Variants in USP34 observed in about 807,000 individuals in gnomAD.
USP34 encodes the protein ubiquitin specific peptidase 34.
USP34 carries 70 observed loss-of-function variants against 460.3 expected under a neutral mutation model. The ratio of observed to expected loss-of-function variants is 0.15; its 90% CI spans 0.13 to 0.19. The LOEUF (loss-of-function observed/expected upper bound fraction) is 0.19. Ranked by LOEUF, USP34 falls within the 10% of genes least tolerant of loss-of-function variation. USP34 has a pLI of 1.00. For synonymous variants in USP34, 1,647 were observed against 1,405.3 expected, an observed-to-expected ratio of 1.17 and a Z score of -3.85; for missense variants, 3,985 against 4,236.2, an observed-to-expected ratio of 0.94 and a Z score of 1.65.
chr2:61,272,028 T>C (rs936032992), intron 41 of USP34, among the ~76,000 whole-genome samples: 6 of 152,232 alleles, frequency 3.9e-5, no homozygotes, highest in African/African-American at 1.4e-4. Context: ...ACTCTTGGTT[T>C]TACCGCCTAT....
intron 30 of USP34, 128 bp downstream of exon 30, chr2:61,296,672 C>T (rs1015064437): frequency 9.8e-6 from 9 of 920,696 alleles, no homozygotes; most frequent in East Asian, 8.4e-5. Context: ...GCACTTTTTA[C>T]CTACTATATG....
chr2:61,417,181 A>C, intron 2 of USP34: 10 of 1,576,458 alleles, frequency 6.3e-6, no homozygotes, highest in Middle Eastern at 4.5e-4. Flanking sequence ...GGCACCTCAC[A>C]TGCCTGTTTG....
intron 1 of USP34, among the ~76,000 whole-genome samples, chr2:61,454,030 A>T (rs1695359987): frequency 6.6e-6 from 1 of 152,172 alleles, no homozygotes; most frequent in South Asian, 2.1e-4. Flanking sequence ...ATATTCACAG[A>T]AGACAGCTAG....
intron 1 of USP34, among the ~76,000 whole-genome samples, chr2:61,453,541 C>A (rs890309228): frequency 3.3e-5 from 5 of 151,588 alleles, no homozygotes; most frequent in South Asian, 2.1e-4. Flanking sequence ...GAAACCCCAT[C>A]TCTACTAAAA....
intron 5 of USP34, among the ~76,000 whole-genome samples, chr2:61,390,148 C>G (rs1388643492): frequency 6.6e-6 from 1 of 152,186 alleles, no homozygotes; most frequent in Non-Finnish European, 1.5e-5. Context: ...TTGACTAAAG[C>G]ATATTTTGTG....
chr2:61,240,338 G>A (rs1258350035), intron 53 of USP34, among the ~76,000 whole-genome samples: 1 of 152,104 alleles, frequency 6.6e-6, no homozygotes, highest in Non-Finnish European at 1.5e-5. Context: ...TGCCCAGGAT[G>A]GAGTGCAGTG....
chr2:61,412,113 C>G (rs1465818345), intron 2 of USP34, among the ~76,000 whole-genome samples: 1 of 148,684 alleles, frequency 6.7e-6, no homozygotes, highest in Non-Finnish European at 1.5e-5. Context: ...CACTTGAACC[C>G]AGGAGGCAGA....
chr2:61,323,189 G>A (rs1690979086), intron 21 of USP34, among the ~76,000 whole-genome samples: 1 of 152,110 alleles, frequency 6.6e-6, no homozygotes, highest in South Asian at 2.1e-4. Context: ...AGACCAGGCT[G>A]GGCAACATAA....
intron 57 of USP34, among the ~76,000 whole-genome samples, chr2:61,234,802 G>C (rs1688015845): frequency 6.6e-6 from 1 of 152,004 alleles, no homozygotes; most frequent in South Asian, 2.1e-4. Context: ...ACCATGACCA[G>C]TTAATTTTAT....
rs377617887 is a variant in USP34, at chr2:61,257,225, G to A, written c.5970C>T (p.Ile1990=). ...TAACCAGTTCGGGAGACATTTCTTCGATTTTGGTAATTAGATCAGTAAAAA... is the reference window on the plus strand; with the variant it reads ...TAACCAGTTCGGGAGACATTTCTTCAATTTTGGTAATTAGATCAGTAAAAA... ...TEFFTDLITK[I]EEMSPELKNT... The change falls in exon 45 of 80, where the codon ATC becomes ATT. Residue 1990 remains isoleucine (I), a synonymous_variant. Coordinates refer to ENST00000398571, the MANE Select transcript of USP34 (RefSeq NM_014709.4). The A allele has an allele frequency of 4.4e-5, 70 of 1,607,152 alleles. No individual in the cohort carries two copies. Among genetic ancestry groups the A allele is most frequent in the Middle Eastern group, 1.7e-4 (1 of 6,052 alleles).
intron 2 of USP34, among the ~76,000 whole-genome samples, chr2:61,412,448 G>A (rs935285220): frequency 6.6e-6 from 1 of 151,924 alleles, no homozygotes; most frequent in Non-Finnish European, 1.5e-5. Context: ...GCACTGTAAT[G>A]TATGCAAATA....
chr2:61,251,106 C>G (rs1036954536), intron 48 of USP34, among the ~76,000 whole-genome samples: 1 of 152,034 alleles, frequency 6.6e-6, no homozygotes, highest in African/African-American at 2.4e-5. Flanking sequence ...CCACTGCACT[C>G]TAGCCTGGGT....
chr2:61,207,679 ATT>A (rs989985625), intron 70 of USP34: 1 of 150,700 alleles, frequency 6.6e-6, no homozygotes, highest in Non-Finnish European at 1.5e-5. Flanking sequence ...TTAAAAAAAA[ATT>A]TTTTTTTTCT....
At position 61,206,104 on chromosome 2, in the gene USP34, G is replaced by C. The variant is rs1180437456; in HGVS notation, c.9067C>G (p.Gln3023Glu). ...GCAAATTCAATTCGCTCCTGCCACTGGATTAATGCTTGTTTCACATCTGCA... is the reference window on the plus strand; with the variant it reads ...GCAAATTCAATTCGCTCCTGCCACTCGATTAATGCTTGTTTCACATCTGCA... ...QRKDVKQALI[Q>E]WQERIEFAHK... The change falls in exon 72 of 80, where the codon CAG (glutamine) becomes GAG (glutamate). Residue 3023 changes from glutamine (Q) to glutamate (E), a missense_variant. Coordinates refer to ENST00000398571, the MANE Select transcript of USP34 (RefSeq NM_014709.4). 1.2e-6 allele frequency: 2 copies of C among 1,613,576 alleles called. No homozygotes were observed. The highest frequency in any genetic ancestry group is 2.2e-5 in the South Asian group (2 of 91,050).
chr2:61,242,125 G>A (rs896006813), intron 51 of USP34, among the ~76,000 whole-genome samples: 1 of 151,974 alleles, frequency 6.6e-6, no homozygotes, highest in African/African-American at 2.4e-5. Context: ...AAAGTAGTTG[G>A]CCTTGTCCTA....
At chr2:61,204,214 T>C in intron 74 of USP34, 42 bp downstream of exon 74, 7 of 1,612,224 alleles carry the variant, frequency 4.3e-6, no homozygotes, top group Non-Finnish European at 5.9e-6. Flanking sequence ...TCAAATTACT[T>C]TGTACTATAG....
rs1023143018 is a variant in USP34 at position 61,204,705 on chromosome 2, A to G, written c.9155-104T>C. On this transcript the variant is annotated intron_variant, in intron 72 of 79. Coordinates refer to ENST00000398571, the MANE Select transcript of USP34 (RefSeq NM_014709.4). ...TGATTGCCTCACTACAACCAGTTTA[A>G]TGAGTCTAAAACTAAGCTCCTGACA... The G allele has an allele frequency of 1.9e-5, 17 of 875,432 alleles. No individual in the cohort carries two copies. In the African/African-American group the frequency reaches 2.3e-4, roughly 12 times the overall value. The allele number at this position is 875,432 out of a possible 1,614,324, so 54.2% of individuals were successfully genotyped here.
At chr2:61,289,325 AT>A (rs1689780425) in intron 33 of USP34, among the ~76,000 whole-genome samples, 1 of 152,170 alleles carries the variant, frequency 6.6e-6, no homozygotes. Context: ...GACCAAAGCA[AT>A]TGCTAGTAAT....
chr2:61,363,554 A>C (rs1692334418), intron 10 of USP34, among the ~76,000 whole-genome samples: 1 of 152,248 alleles, frequency 6.6e-6, no homozygotes, highest in Admixed American at 6.5e-5. Flanking sequence ...AATAACACAG[A>C]AAAAGTAATT....
Sources: gnomAD v4.1 joint callset for allele counts (sites outside exome capture counted in the v4.1 genomes callset) on GRCh38, gnomAD v4.1.1 for gene constraint, MANE v1.5 for transcripts, NCBI Gene and HGNC (gene_info 2026-07-23, HGNC 2026-07-21) for gene names.